Variants in TRIM26 observed in about 807,000 individuals in gnomAD.
TRIM26 encodes tripartite motif containing 26.
A neutral mutation model predicts 45.5 loss-of-function variants in TRIM26; 16 were observed. That is an observed-to-expected ratio of 0.35 (90% CI 0.24 to 0.53). The LOEUF is 0.53. TRIM26 is among the 20% of genes least tolerant of loss of function. The pLI is 0.92. For synonymous variants in TRIM26, 273 were observed against 290.4 expected, an observed-to-expected ratio of 0.94 and a Z score of 0.61; for missense variants, 442 against 691.1, an observed-to-expected ratio of 0.64 and a Z score of 4.04.
chr6:30,197,139 A>G (rs1347046624), intron 5 of TRIM26, among the ~76,000 whole-genome samples: 2 of 152,076 alleles, frequency 1.3e-5, no homozygotes, highest in Non-Finnish European at 2.9e-5. Context: ...AATGTCATCT[A>G]AGCCTGACCA....
chr6:30,210,227 C>T (rs1360811690), intron 1 of TRIM26, among the ~76,000 whole-genome samples: 2 of 150,614 alleles, frequency 1.3e-5, no homozygotes, highest in Non-Finnish European at 3.0e-5. Context: ...AAAAACTGCA[C>T]AGACATCCTC....
chr6:30,211,784 T>C (rs1255808040), intron 1 of TRIM26, among the ~76,000 whole-genome samples: 1 of 152,180 alleles, frequency 6.6e-6, no homozygotes, highest in African/African-American at 2.4e-5. Context: ...TATTGGATTA[T>C]AAACCAAAGT....
At chr6:30,212,368 GAAATC>G (rs982292285) in intron 1 of TRIM26, among the ~76,000 whole-genome samples, 4 of 152,190 alleles carry the variant, frequency 2.6e-5, no homozygotes, top group Admixed American at 6.5e-5. Context: ...AAAAACTAAG[GAAATC>G]TGAACACACT....
chr6:30,196,594 G>A lies in TRIM26; in HGVS notation c.687C>T (p.Val229=), dbSNP rs150251570. 2.0e-4 allele frequency: 327 copies of A among 1,613,402 alleles called. No individual in the cohort carries two copies. The highest frequency in any genetic ancestry group is 6.3e-4 in the African/African-American group (47 of 75,060). The part of the protein sequence containing the change: ...EGREKFKSRG[V]GELARLALVI... ...CCAGGGCCAGCCGGGCAAGCTCCCC[G>A]ACGCCCCGGCTCTTGAACTTCTCCC... The change falls in exon 6 of 10, where the codon GTC becomes GTT. Residue 229 remains valine (V), a synonymous_variant. Transcript: ENST00000454678. This position sits in a 1 kb window ranked among gnomAD's most constrained non-coding sequence, Gnocchi z 4.9.
intron 3 of TRIM26, among the ~76,000 whole-genome samples, chr6:30,199,706 A>G (rs550851662): frequency 4.1e-4 from 61 of 147,978 alleles, no homozygotes; most frequent in Admixed American, 3.5e-3. Context: ...GCGTGATCTC[A>G]GCTCACTGCA....
chr6:30,197,885 G>A (rs2517613), intron 5 of TRIM26, among the ~76,000 whole-genome samples: 15,847 of 152,126 alleles, frequency 0.1, 1,002 homozygotes, highest in Non-Finnish European at 0.14. Flanking sequence ...CGCCGCTACG[G>A]AACCCACAGA....
In TRIM26 at chr6:30,199,126, C is replaced by T. The variant is rs1242744203; in HGVS notation, c.-23G>A. On this transcript the variant is annotated 5_prime_UTR_variant, in exon 4 of 10. Coordinates refer to ENST00000454678, the MANE Select transcript of TRIM26 (RefSeq NM_003449.5). ...CATGGTATCCTTAGTTCAGAGAGGT[C>T]TCCGTTCACTGGTGAGGACTTCTTC... is the stretch of plus-strand genomic sequence containing the variant. 10 of 1,529,248 alleles carry T rather than the reference C, an allele frequency of 6.5e-6. No homozygotes were observed. In the African/African-American group the frequency reaches 1.1e-4, roughly 17 times the overall value. 94.7% of individuals were successfully genotyped at this position (1,529,248 alleles called of 1,614,324 possible). A position where few individuals can be genotyped will look rare whatever the true frequency, so the allele number is the denominator to read the frequency against.
At chr6:30,188,950 A>C (rs1775509277) in intron 9 of TRIM26, among the ~76,000 whole-genome samples, 2 of 152,142 alleles carry the variant, frequency 1.3e-5, no homozygotes, top group Non-Finnish European at 1.5e-5. Flanking sequence ...AACACAGGGC[A>C]GAGAAGGATC....
intron 6 of TRIM26, among the ~76,000 whole-genome samples, chr6:30,194,868 C>T (rs1321241609): frequency 6.6e-6 from 1 of 152,132 alleles, no homozygotes; most frequent in Non-Finnish European, 1.5e-5. Context: ...TGCACTCCAG[C>T]CTGGGAGACA....
Position 30,196,445 on chromosome 6 carries a change from C to T in TRIM26, c.765+71G>A. Reference sequence around the variant, plus strand: ...CTGAGCCCCCAAGTCTTCTAAGGTCCTGCAAGTGAATGGCAGGGCTGGGAC... The same window carrying T: ...CTGAGCCCCCAAGTCTTCTAAGGTCTTGCAAGTGAATGGCAGGGCTGGGAC... On this transcript the variant is annotated intron_variant, in intron 6 of 9. Coordinates refer to ENST00000454678, the MANE Select transcript of TRIM26 (RefSeq NM_003449.5). This position sits in a 1 kb window ranked among gnomAD's most constrained non-coding sequence, Gnocchi z 4.9. The T allele has an allele frequency of 2.7e-6, 4 of 1,488,894 alleles. No individual in the cohort carries two copies. The highest frequency in any genetic ancestry group is 1.8e-5 in the Admixed American group (1 of 54,522). The allele number at this position is 1,488,894 out of a possible 1,614,324, so 92.2% of individuals were successfully genotyped here. A position where few individuals can be genotyped will look rare whatever the true frequency, so the allele number is the denominator to read the frequency against.
rs1775523910 is a variant in TRIM26 at position 30,189,073 on chromosome 6, G to C, written c.937+94C>G. On this transcript the variant is annotated intron_variant, in intron 9 of 9. Coordinates refer to ENST00000454678, the MANE Select transcript of TRIM26 (RefSeq NM_003449.5). The surrounding 1 kb of genome is among the most constrained non-coding windows in gnomAD (Gnocchi z 5.0). Reference sequence around the variant, plus strand: ...TGGGAAATTCTTCCTGTTGCAAAAGGGGCTACCTGGGGGAAAAGTGAGCAG... The same window carrying C: ...TGGGAAATTCTTCCTGTTGCAAAAGCGGCTACCTGGGGGAAAAGTGAGCAG... 7.2e-7 allele frequency: 1 copy of C among 1,397,284 alleles called. No homozygotes were observed. The highest frequency in any genetic ancestry group is 9.8e-7 in the Non-Finnish European group (1 of 1,017,980). 86.6% of individuals were successfully genotyped at this position (1,397,284 alleles called of 1,614,324 possible).
intron 2 of TRIM26, among the ~76,000 whole-genome samples, chr6:30,203,174 G>A (rs1777377360): frequency 6.6e-6 from 1 of 150,590 alleles, no homozygotes; most frequent in African/African-American, 2.4e-5. Context: ...CTCCCGAGTT[G>A]CTGCAACAAC....
intron 6 of TRIM26, among the ~76,000 whole-genome samples, chr6:30,192,364 C>T (rs1227346934): frequency 6.6e-6 from 1 of 152,136 alleles, no homozygotes; most frequent in Non-Finnish European, 1.5e-5. Flanking sequence ...AGGGCCTGCC[C>T]GGGTTACCAG....
intron 1 of TRIM26, among the ~76,000 whole-genome samples, chr6:30,205,625 C>T (rs1195330367): frequency 6.6e-6 from 1 of 152,144 alleles, no homozygotes; most frequent in African/African-American, 2.4e-5. Flanking sequence ...ACTGCCTGAG[C>T]CCAGGAGTTT....
rs889861822 is a variant in TRIM26, at chr6:30,198,284, C to T, written c.534+145G>A. On this transcript the variant is annotated intron_variant, in intron 5 of 9. Transcript: ENST00000454678. The surrounding 1 kb of genome is among the most constrained non-coding windows in gnomAD (Gnocchi z 6.3). ...CAGAAAGACAGCACTTGGGCTAAAA[C>T]CCAGGTCTGCTACTGCCAGGCTGAC... The T allele has an allele frequency of 4.8e-6, 4 of 827,950 alleles. No homozygotes were observed. The highest frequency in any genetic ancestry group is 7.7e-6 in the Non-Finnish European group (4 of 519,014). 51.3% of individuals were successfully genotyped at this position (827,950 alleles called of 1,614,324 possible).
Position 30,209,014 on chromosome 6 carries a change from G to A in TRIM26, c.-375-4249C>T, listed in dbSNP as rs1427773666. ...CAATAACAGGCCAAGGAATCCTATA[G>A]CAGCAGACCAGATATTGTGCTCCTC... On this transcript the variant is annotated intron_variant, in intron 1 of 9. Transcript: ENST00000454678. This position sits in a 1 kb window ranked among gnomAD's most constrained non-coding sequence, Gnocchi z 4.8. 2.0e-5 allele frequency among the ~76,000 whole-genome samples: 3 copies of A among 150,858 alleles called. No individual in the cohort carries two copies. The highest frequency in any genetic ancestry group is 7.3e-5 in the African/African-American group (3 of 41,126).
chr6:30,197,555 T>C (rs138349208), intron 5 of TRIM26, among the ~76,000 whole-genome samples: 21 of 152,314 alleles, frequency 1.4e-4, no homozygotes, highest in Admixed American at 1.0e-3. Flanking sequence ...ATCAAGTACA[T>C]AATGTGCTGC....
chr6:30,185,941 T>G lies in TRIM26; in HGVS notation c.1555A>C (p.Thr519Pro). The change falls in exon 10 of 10, where the codon ACC becomes CCC. Residue 519 changes from threonine to proline, a missense_variant. Thr to Pro is a conservative substitution (Grantham distance 38). Coordinates refer to ENST00000454678, the MANE Select transcript of TRIM26 (RefSeq NM_003449.5). The surrounding 1 kb of genome is among the most constrained non-coding windows in gnomAD (Gnocchi z 5.7). ...ELIYTFTATF[T>P]RRLVPFLWLK... ...CACAGGAAGGGGACCAGGCGCCGGG[T>G]GAAGGTGGCAGTGAAGGTGTAGATG... 1 of 1,612,958 alleles carries G rather than the reference T, an allele frequency of 6.2e-7. No homozygotes were observed. The highest frequency in any genetic ancestry group is 1.1e-5 in the South Asian group (1 of 91,074).
At chr6:30,199,385 C>T (rs1776861104) in intron 3 of TRIM26, 121 bp from the exon 4 acceptor site, 4 of 401,852 alleles carry the variant, frequency 1.0e-5, no homozygotes, top group Admixed American at 4.0e-5. Flanking sequence ...AAGAGCAGGA[C>T]AGCCACTAGC....
Sources: allele counts gnomAD v4.1 joint callset (sites outside exome capture counted in the v4.1 genomes callset), GRCh38; gene constraint gnomAD v4.1.1; non-coding constraint Gnocchi (gnomAD v3.1); transcripts MANE v1.5; gene names NCBI Gene and HGNC (gene_info 2026-07-23, HGNC 2026-07-21).